The following PARP6 variants were observed in gnomAD, a reference collection of about 807,000 sequenced individuals.
PARP6 encodes the protein protein mono-ADP-ribosyltransferase PARP6.
Under a neutral mutation model 92.0 loss-of-function variants are expected in PARP6, and 27 were observed. The ratio of observed to expected loss-of-function variants is 0.29; its 90% CI spans 0.22 to 0.40. The LOEUF (loss-of-function observed/expected upper bound fraction) is 0.40. PARP6 is among the 10% of genes least tolerant of loss of function. The pLI is 1.00. For synonymous variants in PARP6, 272 were observed against 281.2 expected (o/e 0.97, Z 0.33); for missense variants, 501 against 784.5 (o/e 0.64, Z 4.32).
chr15:72,259,572 G>A, intron 11 of PARP6, 36 bp downstream of exon 11: 1 of 1,598,552 alleles, frequency 6.3e-7, no homozygotes, highest in Non-Finnish European at 8.6e-7. Context: ...CAGACAACAG[G>A]GAAGGGCTTC....
intron 4 of PARP6, 36 bp downstream of exon 4, chr15:72,266,709 C>G (rs2086642445): frequency 6.8e-7 from 1 of 1,479,572 alleles, no homozygotes; most frequent in East Asian, 2.3e-5. Flanking sequence ...ATATCTAGAC[C>G]ATCCAACACG....
chr15:72,254,391 C>T (rs575739255), intron 15 of PARP6, 64 bp downstream of exon 15: 85 of 1,171,688 alleles, frequency 7.3e-5, no homozygotes, highest in Admixed American at 5.9e-4. Context: ...CCACAAATTA[C>T]CAACAGAATA....
chr15:72,264,108 T>G (rs1239190482), intron 8 of PARP6, among the ~76,000 whole-genome samples: 6 of 152,172 alleles, frequency 3.9e-5, no homozygotes, highest in African/African-American at 1.2e-4. Flanking sequence ...CCTTACATAT[T>G]CACCTGTATT....
intron 8 of PARP6, among the ~76,000 whole-genome samples, chr15:72,262,980 C>T (rs2086099857): frequency 6.6e-6 from 1 of 152,204 alleles, no homozygotes; most frequent in African/African-American, 2.4e-5. Context: ...TGCATATCTT[C>T]AACCCTAACC....
Position 72,241,455 on chromosome 15 carries a change from T to C in PARP6, c.1893A>G (p.Ter631TrpextTer30). The part of the protein sequence containing the change: ...RVIGTQVYTN[*>W] ...GGGTGGTACGAGGGCTGGGGCCCCCTCAGTTTGTGTAAACCTGAGTTCCGA... is the reference window on the plus strand; with the variant it reads ...GGGTGGTACGAGGGCTGGGGCCCCCCCAGTTTGTGTAAACCTGAGTTCCGA... Residue 631 changes from the stop codon to tryptophan, a stop_lost, in exon 24 of 24, where the codon TGA becomes TGG. Transcript: ENST00000569795. The surrounding 1 kb of genome is among the most constrained non-coding windows in gnomAD (Gnocchi z 4.1). 6.2e-7 allele frequency: 1 copy of C among 1,612,828 alleles called. No homozygotes were observed. The highest frequency in any genetic ancestry group is 8.5e-7 in the Non-Finnish European group (1 of 1,178,818).
intron 5 of PARP6, 25 bp from the exon 6 acceptor site, chr15:72,265,498 G>A (rs1379713712): frequency 2.6e-6 from 4 of 1,565,996 alleles, no homozygotes; most frequent in African/African-American, 2.7e-5. Context: ...GTGACAACAG[G>A]TGAGACTCAT....
At chr15:72,257,258 T>C in intron 13 of PARP6, 90 bp downstream of exon 13, 1 of 942,780 alleles carries the variant, frequency 1.1e-6, no homozygotes, top group Admixed American at 1.8e-5. Flanking sequence ...TACAAAAGCA[T>C]TTTTGGAAGT....
At chr15:72,251,183 T>C (rs1313664839) in intron 17 of PARP6, 24 bp downstream of exon 17, 1 of 1,515,806 alleles carries the variant, frequency 6.6e-7, no homozygotes, top group Admixed American at 1.7e-5. Flanking sequence ...ATTTAAAGCA[T>C]TTAGAGGGAG....
chr15:72,262,835 C>G (rs908209352), intron 8 of PARP6, among the ~76,000 whole-genome samples: 5 of 152,116 alleles, frequency 3.3e-5, no homozygotes, highest in Admixed American at 2.0e-4. Context: ...CTCTGCCTAC[C>G]CTGCTGGTTT....
chr15:72,268,655 G>A lies in PARP6; in HGVS notation c.-194-984C>T, dbSNP rs552315039. On this transcript the variant is annotated intron_variant, in intron 2 of 23. Coordinates refer to ENST00000569795, the MANE Select transcript of PARP6 (RefSeq NM_001323532.2). ...GGAGATTGCAGTGAGCCTAGATCACGCCACTGCACTCCAGCCTGGACAGTA... is the reference window on the plus strand; with the variant it reads ...GGAGATTGCAGTGAGCCTAGATCACACCACTGCACTCCAGCCTGGACAGTA... Among the ~76,000 whole-genome samples the A allele has an allele frequency of 7.0e-4, 106 of 152,236 alleles. 1 individual carries two copies. Among genetic ancestry groups the A allele is most frequent in the Middle Eastern group, 3.4e-3 (1 of 294 alleles).
intron 14 of PARP6, among the ~76,000 whole-genome samples, 165 bp from the exon 15 acceptor site, chr15:72,254,685 TTC>T (rs1179735384): frequency 6.6e-6 from 1 of 152,244 alleles, no homozygotes; most frequent in African/African-American, 2.4e-5. Context: ...CACATGCTAG[TTC>T]TCTTTTACCA....
At chr15:72,250,134 G>A (rs751405682) in intron 18 of PARP6, 42 bp from the exon 19 acceptor site, 2 of 1,305,432 alleles carry the variant, frequency 1.5e-6, no homozygotes, top group Admixed American at 1.7e-5. Context: ...ATGATATGAG[G>A]TTCCCAGGAA....
At chr15:72,247,532 T>C (rs1567170322) in intron 20 of PARP6, among the ~76,000 whole-genome samples, 2 of 152,210 alleles carry the variant, frequency 1.3e-5, no homozygotes, top group Non-Finnish European at 2.9e-5. Context: ...AATTCCATTT[T>C]TTCTATTCTC....
chr15:72,266,899 A>G, intron 3 of PARP6, 77 bp from the exon 4 acceptor site: 1 of 1,070,326 alleles, frequency 9.3e-7, no homozygotes, highest in Non-Finnish European at 1.4e-6. Context: ...TGATATGGTG[A>G]GGAACAGATT....
In PARP6 at chr15:72,267,586, G is replaced by T; in HGVS notation, c.-109C>A. On this transcript the variant is annotated 5_prime_UTR_variant, in exon 3 of 24. Coordinates refer to ENST00000569795, the MANE Select transcript of PARP6 (RefSeq NM_001323532.2). Reference sequence around the variant, plus strand: ...GGGCATTTAGGAGACCACAAAGGGAGACAAGGTAGGGCACGATGTCAGGGA... The same window carrying T: ...GGGCATTTAGGAGACCACAAAGGGATACAAGGTAGGGCACGATGTCAGGGA... 5.1e-6 allele frequency: 6 copies of T among 1,170,406 alleles called. No individual in the cohort carries two copies. The highest frequency in any genetic ancestry group is 3.7e-5 in the South Asian group (3 of 80,936). 72.5% of individuals were successfully genotyped at this position (1,170,406 alleles called of 1,614,324 possible).
At chr15:72,260,050 G>A (rs1318883283) in intron 10 of PARP6, among the ~76,000 whole-genome samples, 1 of 152,220 alleles carries the variant, frequency 6.6e-6, no homozygotes, top group African/African-American at 2.4e-5. Flanking sequence ...AGCTGGGAGT[G>A]GTGGCTCGTG....
intron 13 of PARP6, among the ~76,000 whole-genome samples, chr15:72,256,843 A>C (rs1451831853): frequency 6.6e-6 from 1 of 152,218 alleles, no homozygotes; most frequent in Non-Finnish European, 1.5e-5. Flanking sequence ...ATCCTTCCAG[A>C]TAATTTTCCT....
At chr15:72,269,531 T>C (rs994867938) in intron 2 of PARP6, among the ~76,000 whole-genome samples, 12 of 152,160 alleles carry the variant, frequency 7.9e-5, no homozygotes, top group African/African-American at 2.4e-4. Flanking sequence ...TTGGTGGACC[T>C]ACAGCATCAG....
chr15:72,264,426 T>G (rs2086294431), intron 8 of PARP6, 129 bp downstream of exon 8: 1 of 703,186 alleles, frequency 1.4e-6, no homozygotes, highest in Admixed American at 2.4e-5. Flanking sequence ...TAGCTTTTCC[T>G]GGGCATATTT....
Sources: allele counts gnomAD v4.1 joint callset (sites outside exome capture counted in the v4.1 genomes callset), GRCh38; gene constraint gnomAD v4.1.1; non-coding constraint Gnocchi (gnomAD v3.1); transcripts MANE v1.5; gene names NCBI Gene and HGNC (gene_info 2026-07-23, HGNC 2026-07-21).